The following LETM1 variants were observed in gnomAD, a reference collection of about 807,000 sequenced individuals.
LETM1 encodes mitochondrial proton/calcium exchanger protein.
In LETM1, 50 loss-of-function variants were observed where a neutral mutation model predicts 74.5. The ratio of observed to expected loss-of-function variants is 0.67; its 90% CI spans 0.53 to 0.85. The LOEUF (loss-of-function observed/expected upper bound fraction) is 0.85, where lower values mean the gene tolerates loss of function less well. LETM1 is among the 40% of genes least tolerant of loss of function. The pLI is 0.00. For synonymous variants in LETM1, 446 were observed against 407.1 expected, an observed-to-expected ratio of 1.10 and a Z score of -1.15; for missense variants, 824 against 967.8, an observed-to-expected ratio of 0.85 and a Z score of 1.97.
chr4:1,819,418 G>A lies in LETM1; in HGVS notation c.1663C>T (p.Leu555=). 1.2e-6 allele frequency: 2 copies of A among 1,613,836 alleles called. No homozygotes were observed. The highest frequency in any genetic ancestry group is 1.7e-6 in the Non-Finnish European group (2 of 1,179,856). The part of the protein sequence containing the change: ...IDILSDACSK[L]QEQKKSLTKE... ...GTGAGTGACTTCTTCTGCTCCTGCA[G>A]CTTAGAGCAGGCATCGCTGAGGATG... Residue 555 remains leucine (L), a synonymous_variant, in exon 11 of 14, where the codon CTG becomes TTG. Coordinates refer to ENST00000302787, the MANE Select transcript of LETM1 (RefSeq NM_012318.3).
rs767266602 is a variant in LETM1, at chr4:1,822,173, C to G, written c.1608+8G>C. ...CAGCCTCCAGGGCCCCAGAACCTGC[C>G]TCATTACCTTCAAGCCCTCCAGCAC... On this transcript the variant is annotated splice_region_variant and intron_variant, in intron 10 of 13. Coordinates refer to ENST00000302787, the MANE Select transcript of LETM1 (RefSeq NM_012318.3). The G allele has an allele frequency of 2.0e-5, 28 of 1,407,210 alleles. No individual in the cohort carries two copies. Among genetic ancestry groups the G allele is most frequent in the Non-Finnish European group, 2.4e-5 (26 of 1,066,104 alleles). 87.2% of individuals were successfully genotyped at this position (1,407,210 alleles called of 1,614,324 possible).
At chr4:1,828,014 A>ACCC (rs1191387582) in intron 6 of LETM1, among the ~76,000 whole-genome samples, 3 of 112,378 alleles carry the variant, frequency 2.7e-5, no homozygotes, top group African/African-American at 1.3e-4. Context: ...GCGCCCCCCA[A>ACCC]CCCGGACGGG....
At chr4:1,817,538 G>C (rs1053412748) in intron 11 of LETM1, among the ~76,000 whole-genome samples, 3 of 152,134 alleles carry the variant, frequency 2.0e-5, no homozygotes, top group Non-Finnish European at 2.9e-5. Flanking sequence ...TTCAGCCTGA[G>C]TGACAGAGCG....
rs368527057 is a variant in LETM1, at chr4:1,836,583, C to T, written c.595-11G>A. 90 of 1,613,202 alleles carry T rather than the reference C, an allele frequency of 5.6e-5. No homozygotes were observed. Among genetic ancestry groups the T allele is most frequent in the Non-Finnish European group, 6.9e-5 (81 of 1,179,738 alleles). On this transcript the variant is annotated splice_polypyrimidine_tract_variant and intron_variant, in intron 3 of 13. Coordinates refer to ENST00000302787, the MANE Select transcript of LETM1 (RefSeq NM_012318.3). The surrounding 1 kb of genome is among the most constrained non-coding windows in gnomAD (Gnocchi z 5.8). Reference sequence around the variant, plus strand: ...GCAGATCCGGAGAAACTGGAAGGGGCGGAATCCATCAGAGGGGAGCAGAGC... The same window carrying T: ...GCAGATCCGGAGAAACTGGAAGGGGTGGAATCCATCAGAGGGGAGCAGAGC...
At chr4:1,852,510 C>A (rs1713102431) in intron 1 of LETM1, among the ~76,000 whole-genome samples, 1 of 152,194 alleles carries the variant, frequency 6.6e-6, no homozygotes, top group South Asian at 2.1e-4. Flanking sequence ...CCTCTCGCCT[C>A]CCTGGAAGGG....
At chr4:1,828,758 C>T (rs1206954597) in intron 6 of LETM1, among the ~76,000 whole-genome samples, 2 of 139,540 alleles carry the variant, frequency 1.4e-5, no homozygotes, top group East Asian at 2.3e-4. Flanking sequence ...GCAGGGGCGG[C>T]CGGGCAGAGG....
intron 6 of LETM1, among the ~76,000 whole-genome samples, chr4:1,828,872 C>T (rs1712138306): frequency 8.8e-6 from 1 of 113,812 alleles, no homozygotes; most frequent in Non-Finnish European, 1.8e-5. Context: ...CTGACACCCC[C>T]ACCTCCCTCC....
intron 1 of LETM1, among the ~76,000 whole-genome samples, chr4:1,850,154 CA>C (rs1381359694): frequency 3.3e-5 from 5 of 150,296 alleles, no homozygotes; most frequent in African/African-American, 1.2e-4. Context: ...AACTCCGTCT[CA>C]AAAAGAAAAA....
intron 7 of LETM1, among the ~76,000 whole-genome samples, chr4:1,824,060 C>G (rs1035195214): frequency 2.6e-5 from 4 of 152,186 alleles, no homozygotes; most frequent in Non-Finnish European, 5.9e-5. Flanking sequence ...CGGTGGCTCA[C>G]GCCTGTAATC....
rs755154923 is a variant in LETM1 at position 1,822,236 on chromosome 4, G to C, written c.1553C>G (p.Thr518Arg). The change falls in exon 10 of 14, where the codon ACA becomes AGA. Residue 518 changes from threonine (T) to arginine (R), a missense_variant. Coordinates refer to ENST00000302787, the MANE Select transcript of LETM1 (RefSeq NM_012318.3). The stretch of plus-strand genomic sequence containing the variant: ...CTTCAAGGTCTCTGACTGCAGGACT[G>C]TGTCAGGCATTTCTGGCTGTGGCTC... ...GTEPQPEMPDTVLQSETLKDT... is the reference protein window; with the variant it reads ...GTEPQPEMPDRVLQSETLKDT... The C allele has an allele frequency of 8.4e-6, 13 of 1,546,464 alleles. No homozygotes were observed. The highest frequency in any genetic ancestry group is 1.1e-5 in the Non-Finnish European group (13 of 1,139,202).
chr4:1,837,278 A>T (rs942764298), intron 3 of LETM1, among the ~76,000 whole-genome samples: 2 of 152,136 alleles, frequency 1.3e-5, no homozygotes, highest in African/African-American at 4.8e-5. Flanking sequence ...CCCTGAGAGC[A>T]GCAATGTCCT....
intron 6 of LETM1, among the ~76,000 whole-genome samples, chr4:1,832,145 T>C (rs1712294744): frequency 1.3e-5 from 2 of 150,906 alleles, no homozygotes; most frequent in African/African-American, 4.9e-5. Flanking sequence ...TACTAAAAAA[T>C]ACAAAAAATA....
chr4:1,845,083 G>A (rs1183318915), intron 2 of LETM1, among the ~76,000 whole-genome samples: 4 of 151,750 alleles, frequency 2.6e-5, no homozygotes, highest in South Asian at 2.1e-4. Context: ...TCAGCTACTC[G>A]GGAGGCTGAG....
intron 6 of LETM1, among the ~76,000 whole-genome samples, chr4:1,829,919 T>C (rs748131561): frequency 6.6e-5 from 10 of 152,192 alleles, no homozygotes; most frequent in Non-Finnish European, 8.8e-5. Flanking sequence ...TAAAAACCCT[T>C]TGTCTTCAGG....
intron 10 of LETM1, among the ~76,000 whole-genome samples, chr4:1,821,895 G>A (rs528575381): frequency 5.3e-5 from 8 of 152,336 alleles, no homozygotes; most frequent in East Asian, 1.9e-4. Flanking sequence ...GAAACCTGCC[G>A]ACTGGCATCT....
At chr4:1,848,836 C>T (rs530789801) in intron 2 of LETM1, among the ~76,000 whole-genome samples, 1 of 152,012 alleles carries the variant, frequency 6.6e-6, no homozygotes, top group Admixed American at 6.6e-5. Flanking sequence ...GCACAGTTGC[C>T]AGTGCCCACT....
intron 10 of LETM1, 52 bp from the exon 11 acceptor site, chr4:1,819,524 C>G: frequency 6.4e-7 from 1 of 1,574,646 alleles, no homozygotes; most frequent in Non-Finnish European, 8.6e-7. Context: ...AAAGAACTGG[C>G]CTGTTCCCAA....
rs1002052115 is a variant in LETM1, at chr4:1,820,103, A to T, written c.1609-631T>A. Among the ~76,000 whole-genome samples the T allele has an allele frequency of 2.0e-5, 3 of 152,000 alleles. No individual in the cohort carries two copies. The East Asian group carries it at 5.8e-4, about 29-fold the overall frequency. ...AGGCACACACTGACATATCTGTCCA[A>T]CTTTTTATTTTTTGTAAAGACGGCG... On this transcript the variant is annotated intron_variant, in intron 10 of 13. Coordinates refer to ENST00000302787, the MANE Select transcript of LETM1 (RefSeq NM_012318.3).
At chr4:1,829,272 CCT>C (rs1712167938) in intron 6 of LETM1, among the ~76,000 whole-genome samples, 1 of 141,400 alleles carries the variant, frequency 7.1e-6, no homozygotes, top group Non-Finnish European at 1.5e-5. Context: ...CAGAGGGGCT[CCT>C]CACTTCCCAG....
Sources: gnomAD v4.1 joint callset for allele counts (sites outside exome capture counted in the v4.1 genomes callset) on GRCh38, gnomAD v4.1.1 for gene constraint, Gnocchi (gnomAD v3.1) non-coding constraint, MANE v1.5 for transcripts, NCBI Gene and HGNC (gene_info 2026-07-23, HGNC 2026-07-21) for gene names.